RBFOX1: variants seen among roughly 807,000 people sequenced by gnomAD.
The protein encoded by RBFOX1 is RNA binding fox-1 homolog 1.
In RBFOX1, 8 loss-of-function variants were observed where a neutral mutation model predicts 57.7. That is an observed-to-expected ratio of 0.14 (90% CI 0.08 to 0.25). RBFOX1 has a LOEUF of 0.25. Ranked by LOEUF, RBFOX1 falls within the 10% of genes least tolerant of loss-of-function variation. RBFOX1 has a pLI of 1.00. For missense variants in RBFOX1, 611 were observed against 548.5 expected (o/e 1.11, Z -1.14); for synonymous variants, 326 against 222.4 (o/e 1.47, Z -4.15).
At chr16:6,259,930 T>C (rs1403674832) in intron 1 of RBFOX1, among the ~76,000 whole-genome samples, 1 of 146,954 alleles carries the variant, frequency 6.8e-6, no homozygotes, top group Non-Finnish European at 1.5e-5. Context: ...CACTGAACTC[T>C]AGTCTTGGTG....
intron 4 of RBFOX1, among the ~76,000 whole-genome samples, chr16:7,169,395 G>C (rs566042802): frequency 2.6e-5 from 4 of 152,294 alleles, no homozygotes; most frequent in African/African-American, 7.2e-5. Flanking sequence ...CAGGGGTTGG[G>C]GGATCCACTG....
intron 1 of RBFOX1, among the ~76,000 whole-genome samples, chr16:5,319,587 G>A (rs1373058774): frequency 1.3e-5 from 2 of 152,220 alleles, no homozygotes; most frequent in African/African-American, 2.4e-5. Context: ...TCCAGGCCAC[G>A]TGGACCTTGT....
chr16:5,881,855 A>G (rs138286360), intron 4 of RBFOX1, among the ~76,000 whole-genome samples: 85 of 152,316 alleles, frequency 5.6e-4, no homozygotes, highest in Middle Eastern at 3.4e-3. Flanking sequence ...ATAAATACTT[A>G]CTATGCACCA....
intron 4 of RBFOX1, among the ~76,000 whole-genome samples, chr16:7,388,207 G>T (rs1264619901): frequency 2.0e-5 from 3 of 152,142 alleles, no homozygotes; most frequent in East Asian, 1.9e-4. Flanking sequence ...CTTCTTGGCA[G>T]AGTTCTACAG....
chr16:7,357,033 A>C (rs1475288253), intron 4 of RBFOX1, among the ~76,000 whole-genome samples: 1 of 152,194 alleles, frequency 6.6e-6, no homozygotes, highest in East Asian at 1.9e-4. Flanking sequence ...TTTTGGGCTC[A>C]GGAATCCAGG....
At chr16:7,104,938 C>T (rs1255011376) in intron 4 of RBFOX1, among the ~76,000 whole-genome samples, 4 of 149,106 alleles carry the variant, frequency 2.7e-5, no homozygotes, top group Non-Finnish European at 4.4e-5. Flanking sequence ...AATCTCTGTG[C>T]TTGTGTGTGT....
chr16:6,864,889 G>T (rs1048353884), intron 3 of RBFOX1, among the ~76,000 whole-genome samples: 2 of 151,886 alleles, frequency 1.3e-5, no homozygotes, highest in African/African-American at 4.8e-5. Flanking sequence ...AAAACAAGAG[G>T]GGCGTTTTTG....
At chr16:5,486,076 T>G (rs1348683761) in intron 2 of RBFOX1, among the ~76,000 whole-genome samples, 1 of 152,166 alleles carries the variant, frequency 6.6e-6, no homozygotes, top group Non-Finnish European at 1.5e-5. Flanking sequence ...TTCTTTTCTC[T>G]CCCCTGAAGC....
At chr16:6,180,785 C>T (rs985280105) in intron 1 of RBFOX1, among the ~76,000 whole-genome samples, 3 of 152,050 alleles carry the variant, frequency 2.0e-5, no homozygotes, top group Non-Finnish European at 2.9e-5. Flanking sequence ...AGGCTGGTCT[C>T]GAACTCCTGA....
chr16:6,722,744 G>A (rs1035468391), intron 3 of RBFOX1, among the ~76,000 whole-genome samples: 3 of 152,104 alleles, frequency 2.0e-5, no homozygotes, highest in Non-Finnish European at 4.4e-5. Context: ...TAAGGGCCCC[G>A]TTCATCAATA....
intron 1 of RBFOX1, among the ~76,000 whole-genome samples, chr16:6,305,718 C>T (rs1163142418): frequency 6.6e-6 from 1 of 151,028 alleles, no homozygotes; most frequent in Admixed American, 6.6e-5. Flanking sequence ...CTTTTTATTT[C>T]CACCTCGTGC....
chr16:6,868,316 T>C (rs1335475270), intron 3 of RBFOX1, among the ~76,000 whole-genome samples: 1 of 152,174 alleles, frequency 6.6e-6, no homozygotes, highest in Non-Finnish European at 1.5e-5. Context: ...AGTAAGAGGA[T>C]GGTAAAACAG....
intron 3 of RBFOX1, among the ~76,000 whole-genome samples, chr16:5,657,994 A>G (rs970272234): frequency 3.3e-5 from 5 of 151,808 alleles, no homozygotes; most frequent in African/African-American, 9.7e-5. Context: ...GGCCTCCCAA[A>G]ATGATGATAT....
intron 3 of RBFOX1, chr16:6,775,685 C>G (rs759571186): frequency 2.6e-5 from 4 of 152,200 alleles, no homozygotes; most frequent in Non-Finnish European, 5.9e-5. Context: ...CATCCCTTGT[C>G]TTTCGTCAAA....
intron 2 of RBFOX1, among the ~76,000 whole-genome samples, chr16:6,637,169 A>AAATATATAATATACAATATATAT (rs1294133989): frequency 1.5e-5 from 1 of 65,062 alleles, no homozygotes; most frequent in African/African-American, 8.3e-5. Context: ...ATTATATATT[A>AAATATATAATATACAATATATAT]TATATATTAT....
chr16:6,996,260 A>T (rs539056796), intron 3 of RBFOX1, among the ~76,000 whole-genome samples: 1 of 152,210 alleles, frequency 6.6e-6, no homozygotes, highest in African/African-American at 2.4e-5. Flanking sequence ...ATTCATATAA[A>T]TACAATGATA....
chr16:6,260,811 G>C (rs995868893), intron 1 of RBFOX1, among the ~76,000 whole-genome samples: 1 of 152,044 alleles, frequency 6.6e-6, no homozygotes, highest in African/African-American at 2.4e-5. Flanking sequence ...AACCTGGGAG[G>C]CAGAGGTTGC....
intron 1 of RBFOX1, among the ~76,000 whole-genome samples, chr16:5,269,426 T>G (rs1236299003): frequency 1.3e-5 from 2 of 152,264 alleles, no homozygotes; most frequent in Non-Finnish European, 2.9e-5. Context: ...CATGAATAAT[T>G]ACATTAGCAT....
At chr16:6,062,015 G>A (rs899375861) in intron 1 of RBFOX1, among the ~76,000 whole-genome samples, 1 of 152,146 alleles carries the variant, frequency 6.6e-6, no homozygotes, top group Non-Finnish European at 1.5e-5. Context: ...AGTTGATCGA[G>A]TGGCTTATAG....
Sources: allele counts gnomAD v4.1 joint callset (sites outside exome capture counted in the v4.1 genomes callset), GRCh38; gene constraint gnomAD v4.1.1; transcripts MANE v1.5; gene names NCBI Gene and HGNC (gene_info 2026-07-23, HGNC 2026-07-21).